SRFBP1: variants seen among roughly 807,000 people sequenced by gnomAD.
The protein encoded by SRFBP1 is serum response factor binding protein 1.
SRFBP1 carries 47 observed loss-of-function variants against 45.5 expected under a neutral mutation model. The observed-to-expected ratio is 1.03, with a 90% CI of 0.82 to 1.32. The LOEUF is 1.32. Among genes scored for constraint, SRFBP1 ranks in the 40% most tolerant of loss-of-function variants. The probability of loss-of-function intolerance (pLI) is 0.00; values close to 1 mark genes in which losing one functional copy is unlikely to be tolerated. For synonymous variants in SRFBP1, 203 were observed against 166.3 expected, an observed-to-expected ratio of 1.22 and a Z score of -1.70; for missense variants, 621 against 484.6, an observed-to-expected ratio of 1.28 and a Z score of -2.64.
intron 3 of SRFBP1, among the ~76,000 whole-genome samples, chr5:121,977,643 A>G (rs1752329916): frequency 6.6e-6 from 1 of 152,114 alleles, no homozygotes; most frequent in African/African-American, 2.4e-5. Context: ...ACCTCTGCTC[A>G]TTTATTTTTC....
At chr5:121,996,902 C>T (rs1456833737) in intron 4 of SRFBP1, among the ~76,000 whole-genome samples, 1 of 148,248 alleles carries the variant, frequency 6.7e-6, no homozygotes, top group Non-Finnish European at 1.5e-5. Flanking sequence ...CATGAGTGCA[C>T]TCCCATTCAC....
intron 3 of SRFBP1, among the ~76,000 whole-genome samples, chr5:121,987,697 C>T (rs1752544719): frequency 6.6e-6 from 1 of 152,110 alleles, no homozygotes; most frequent in African/African-American, 2.4e-5. Context: ...CAATTTTGAT[C>T]ACACTTTGGA....
At chr5:122,057,872 C>A (rs1163798771) in intron 2 of SRFBP1, among the ~76,000 whole-genome samples, 1 of 151,630 alleles carries the variant, frequency 6.6e-6, no homozygotes, top group African/African-American at 2.4e-5. Flanking sequence ...GAGACGGAGT[C>A]TTTTCAGAGT....
chr5:121,994,539 TTAATAA>T lies in SRFBP1; in HGVS notation c.199-57_199-52del, dbSNP rs960164305. On this transcript the variant is annotated intron_variant, in intron 3 of 7. Coordinates refer to ENST00000339397, the MANE Select transcript of SRFBP1 (RefSeq NM_152546.3). ...AGTTTCTTAAGATACGGAAAGGAAC[TTAATAA>T]TAGTGATAAAAATAGACACATAACT... 1.1e-4 allele frequency: 126 copies of T among 1,130,948 alleles called. 1 individual carries two copies. The highest frequency in any genetic ancestry group is 1.4e-4 in the Non-Finnish European group (110 of 773,346). The allele number at this position is 1,130,948 out of a possible 1,614,324, so 70.1% of individuals were successfully genotyped here.
At chr5:122,056,847 G>A (rs1442953328) in intron 2 of SRFBP1, among the ~76,000 whole-genome samples, 1 of 152,062 alleles carries the variant, frequency 6.6e-6, no homozygotes, top group Non-Finnish European at 1.5e-5. Context: ...TTACTCCTGG[G>A]GAAATAAGAG....
At chr5:121,999,713 A>G (rs1329680401) in intron 4 of SRFBP1, among the ~76,000 whole-genome samples, 1 of 151,976 alleles carries the variant, frequency 6.6e-6, no homozygotes, top group African/African-American at 2.4e-5. Context: ...GATAATATTT[A>G]TTGTGCTGAA....
chr5:122,023,294 T>TA (rs1289573713), intron 7 of SRFBP1, among the ~76,000 whole-genome samples: 13 of 152,140 alleles, frequency 8.5e-5, no homozygotes, highest in Admixed American at 3.3e-4. Flanking sequence ...AGAGCACACT[T>TA]ACCTCCTTCC....
At chr5:122,024,602 A>G (rs1327883794) in intron 7 of SRFBP1, among the ~76,000 whole-genome samples, 3 of 152,174 alleles carry the variant, frequency 2.0e-5, no homozygotes, top group African/African-American at 7.2e-5. Context: ...ATTGGCCATA[A>G]CTCAATTAGC....
intron 2 of SRFBP1, among the ~76,000 whole-genome samples, chr5:122,067,664 G>A (rs950577953): frequency 6.6e-6 from 1 of 152,056 alleles, no homozygotes; most frequent in Non-Finnish European, 1.5e-5. Context: ...CTTCCATCTG[G>A]CTCAACTTAC....
intron 1 of SRFBP1, among the ~76,000 whole-genome samples, chr5:121,971,282 A>T (rs576426544): frequency 6.6e-6 from 1 of 152,084 alleles, no homozygotes; most frequent in Non-Finnish European, 1.5e-5. Context: ...GATTGCAAAA[A>T]GGTCAAGATA....
chr5:122,023,509 A>G (rs1357106109), intron 7 of SRFBP1, among the ~76,000 whole-genome samples: 1 of 152,192 alleles, frequency 6.6e-6, no homozygotes, highest in African/African-American at 2.4e-5. Context: ...AAAACTCTTG[A>G]TAGCTTAAGG....
intron 3 of SRFBP1, among the ~76,000 whole-genome samples, chr5:121,990,634 C>A (rs550964402): frequency 6.6e-6 from 1 of 152,146 alleles, no homozygotes; most frequent in Non-Finnish European, 1.5e-5. Context: ...CAGTTCTGTT[C>A]AACATGTGTC....
chr5:122,011,209 T>A (rs1277676118), intron 4 of SRFBP1, among the ~76,000 whole-genome samples: 1 of 152,164 alleles, frequency 6.6e-6, no homozygotes, highest in Non-Finnish European at 1.5e-5. Flanking sequence ...ATTTTTGGGT[T>A]ATTTACATTC....
At chr5:122,052,741 A>C (rs184471635) in intron 2 of SRFBP1, among the ~76,000 whole-genome samples, 1 of 152,086 alleles carries the variant, frequency 6.6e-6, no homozygotes, top group African/African-American at 2.4e-5. Context: ...TCTTAATTCA[A>C]TTTCTGCCAT....
chr5:122,001,892 A>G (rs1279173542), intron 4 of SRFBP1, among the ~76,000 whole-genome samples: 1 of 152,148 alleles, frequency 6.6e-6, no homozygotes, highest in Non-Finnish European at 1.5e-5. Context: ...ATTGCTAAGG[A>G]CAGTACAAGA....
chr5:121,978,936 T>G (rs1417397759), intron 3 of SRFBP1, among the ~76,000 whole-genome samples: 1 of 152,184 alleles, frequency 6.6e-6, no homozygotes, highest in African/African-American at 2.4e-5. Context: ...GTTTAAAACT[T>G]TCTCCTTTTG....
At chr5:122,025,502 G>A (rs1753461946) in intron 7 of SRFBP1, among the ~76,000 whole-genome samples, 1 of 152,090 alleles carries the variant, frequency 6.6e-6, no homozygotes, top group Admixed American at 6.5e-5. Context: ...GGGTCAAATG[G>A]TATTTCTAGT....
chr5:122,077,952 G>A (rs529787826), downstream of SRFBP1: 16 of 1,478,924 alleles, frequency 1.1e-5, 1 homozygote, highest in South Asian at 1.8e-4. The surrounding 1 kb of genome is among the most constrained non-coding windows in gnomAD (Gnocchi z 4.9). Context: ...AGCTGCAAAG[G>A]CCCGAGCAGG....
chr5:121,978,496 T>TA (rs2112822445), intron 3 of SRFBP1, among the ~76,000 whole-genome samples: 2 of 149,802 alleles, frequency 1.3e-5, no homozygotes, highest in East Asian at 3.9e-4. Context: ...TCTGTATTTC[T>TA]TTTTTTTTTA....
Sources: allele counts gnomAD v4.1 joint callset (sites outside exome capture counted in the v4.1 genomes callset), GRCh38; gene constraint gnomAD v4.1.1; non-coding constraint Gnocchi (gnomAD v3.1); transcripts MANE v1.5; gene names NCBI Gene and HGNC (gene_info 2026-07-23, HGNC 2026-07-21).